Variants in SCAMP4 observed in about 807,000 individuals in gnomAD.
The protein encoded by SCAMP4 is secretory carrier-associated membrane protein 4.
In SCAMP4, 19 loss-of-function variants were observed where a neutral mutation model predicts 32.1. That is an observed-to-expected ratio of 0.59 (90% confidence interval 0.41 to 0.87). The LOEUF is 0.87. Ranked by LOEUF, SCAMP4 falls within the 40% of genes least tolerant of loss-of-function variation. The pLI is 0.00. For missense variants in SCAMP4, 302 were observed against 309.0 expected (o/e 0.98, Z 0.17); for synonymous variants, 152 against 132.7 (o/e 1.15, Z -1.00).
At chr19:1,923,566 G>T (rs1368400395) in intron 6 of SCAMP4, among the ~76,000 whole-genome samples, 1 of 150,982 alleles carries the variant, frequency 6.6e-6, no homozygotes, top group Non-Finnish European at 1.5e-5. Flanking sequence ...GAAGATAGCG[G>T]AAGTGTTGAG....
chr19:1,922,228 G>A, intron 5 of SCAMP4: 5 of 985,468 alleles, frequency 5.1e-6, no homozygotes, highest in Non-Finnish European at 6.0e-6. Context: ...CCTTCCCAGT[G>A]TCCCACTGGT....
At chr19:1,914,895 G>A in intron 1 of SCAMP4, 84 bp from the exon 2 acceptor site, 3 of 1,158,538 alleles carry the variant, frequency 2.6e-6, no homozygotes, top group South Asian at 1.2e-5. Context: ...CACGATGAAG[G>A]GCTTTTCAGC....
At chr19:1,914,688 G>T (rs910351045) in intron 1 of SCAMP4, 5 of 472,402 alleles carry the variant, frequency 1.1e-5, no homozygotes, top group Non-Finnish European at 1.9e-5. Context: ...TTTGGGGGAC[G>T]CAGGGGCCTA....
At chr19:1,914,749 C>T (rs1479591341) in intron 1 of SCAMP4, among the ~76,000 whole-genome samples, 3 of 152,104 alleles carry the variant, frequency 2.0e-5, no homozygotes, top group Admixed American at 6.5e-5. Flanking sequence ...GGAGGGGCTG[C>T]GGCCAGCCCT....
chr19:1,917,545 C>T, intron 2 of SCAMP4, 149 bp from the exon 3 acceptor site: 3 of 789,502 alleles, frequency 3.8e-6, no homozygotes, highest in South Asian at 3.5e-5. Context: ...CCACGAGGAC[C>T]CTCTCCTGTC....
At chr19:1,916,154 G>T (rs1032264622) in intron 2 of SCAMP4, among the ~76,000 whole-genome samples, 1 of 151,096 alleles carries the variant, frequency 6.6e-6, no homozygotes, top group Admixed American at 6.6e-5. Context: ...CAGGAGAATC[G>T]CTTGAACCTG....
chr19:1,919,107 C>T, intron 5 of SCAMP4, 117 bp downstream of exon 5: 1 of 1,519,518 alleles, frequency 6.6e-7, no homozygotes, highest in Non-Finnish European at 8.8e-7. Flanking sequence ...TACGCGCTCT[C>T]CTAGGGAGGG....
chr19:1,911,394 A>G (rs1225254043), intron 1 of SCAMP4, among the ~76,000 whole-genome samples: 1 of 143,318 alleles, frequency 7.0e-6, no homozygotes, highest in Non-Finnish European at 1.5e-5. Flanking sequence ...CTGGTCTTAA[A>G]CTCCTGGGCT....
Position 1,918,947 on chromosome 19 carries a change from C to T in SCAMP4, c.352C>T (p.Leu118=), listed in dbSNP as rs1461935784. ...FFFIFGAQFV[L]TVIQAIGFSG... ...CTTCATCTTCGGAGCCCAGTTTGTC[C>T]TGACCGTCATCCAGGCGATTGGCTT... is the stretch of plus-strand genomic sequence containing the variant. Residue 118 remains leucine, a synonymous_variant, in exon 5 of 7, where the codon CTG becomes TTG. Coordinates refer to ENST00000316097, the MANE Select transcript of SCAMP4 (RefSeq NM_079834.4). The T allele has an allele frequency of 8.7e-6, 14 of 1,612,484 alleles. No individual in the cohort carries two copies. Among genetic ancestry groups the T allele is most frequent in the Non-Finnish European group, 1.2e-5 (14 of 1,179,326 alleles).
In SCAMP4 at chr19:1,925,096, G is replaced by C. The variant is rs2014056186; in HGVS notation, c.*812G>C. ...AGGAGAGGCCTTTGTGTTTTGTTTT[G>C]TTTTGTTTTTTCTCTTTTGAGACAA... On this transcript the variant is annotated 3_prime_UTR_variant, in exon 7 of 7. Coordinates refer to ENST00000316097, the MANE Select transcript of SCAMP4 (RefSeq NM_079834.4). The C allele has an allele frequency of 9.5e-6, 1 of 105,152 alleles. No individual in the cohort carries two copies. The highest frequency in any genetic ancestry group is 1.9e-5 in the Non-Finnish European group (1 of 51,686). The allele number at this position is 105,152 out of a possible 1,614,324, so 6.5% of individuals were successfully genotyped here. A position where few individuals can be genotyped will look rare whatever the true frequency, so the allele number is the denominator to read the frequency against.
At chr19:1,917,133 C>T (rs2013757862) in intron 2 of SCAMP4, among the ~76,000 whole-genome samples, 1 of 152,134 alleles carries the variant, frequency 6.6e-6, no homozygotes, top group African/African-American at 2.4e-5. Flanking sequence ...AACCTCGTGT[C>T]TACTAAAAAG....
intron 2 of SCAMP4, 96 bp downstream of exon 2, chr19:1,915,122 A>G: frequency 2.1e-6 from 3 of 1,433,820 alleles, no homozygotes; most frequent in East Asian, 4.5e-5. Flanking sequence ...GTTGGCAAAC[A>G]GTGTCCTCCT....
intron 1 of SCAMP4, among the ~76,000 whole-genome samples, chr19:1,910,231 A>G (rs998876146): frequency 1.3e-5 from 2 of 152,192 alleles, no homozygotes; most frequent in African/African-American, 4.8e-5. Context: ...CTGGAGGCTC[A>G]ACGGGGGTGG....
chr19:1,912,228 G>T lies in SCAMP4; in HGVS notation c.-41-2751G>T, dbSNP rs149646876. 929 of 1,595,378 alleles carry T rather than the reference G, an allele frequency of 5.8e-4. 1 individual carries two copies. Among genetic ancestry groups the T allele is most frequent in the Non-Finnish European group, 6.8e-4 (795 of 1,174,036 alleles). ...GTCAGGGGACGTGGAGCTGGTGCTG[G>T]CCTACGCCGCGCCCGTCCTGGACAA... On this transcript the variant is annotated intron_variant, in intron 1 of 6. Transcript: ENST00000316097.
Position 1,909,176 on chromosome 19 carries a change from C to T in SCAMP4, c.-42+3737C>T, listed in dbSNP as rs568652672. On this transcript the variant is annotated intron_variant, in intron 1 of 6. Coordinates refer to ENST00000316097, the MANE Select transcript of SCAMP4 (RefSeq NM_079834.4). ...CCAACCTCAGGCCTGCGGTGCGAGTCTGTGGGGGCAGATGCAGGTGGGGGA... is the reference window on the plus strand; with the variant it reads ...CCAACCTCAGGCCTGCGGTGCGAGTTTGTGGGGGCAGATGCAGGTGGGGGA... 5.3e-5 allele frequency among the ~76,000 whole-genome samples: 8 copies of T among 150,696 alleles called. No individual in the cohort carries two copies. The South Asian group carries it at 6.3e-4, about 12-fold the overall frequency.
At chr19:1,920,251 C>T (rs556818607) in intron 5 of SCAMP4, 1 of 985,476 alleles carries the variant, frequency 1.0e-6, no homozygotes, top group South Asian at 4.7e-5. Flanking sequence ...GGTGACGCTG[C>T]TCACGGAGCC....
At chr19:1,917,156 A>G (rs2013758268) in intron 2 of SCAMP4, among the ~76,000 whole-genome samples, 1 of 152,096 alleles carries the variant, frequency 6.6e-6, no homozygotes, top group African/African-American at 2.4e-5. Flanking sequence ...AAATCCAAAA[A>G]TTAGCCGGGT....
rs1271857120 is a variant in SCAMP4, at chr19:1,917,753, C to G, written c.67C>G (p.Gln23Glu). The G allele has an allele frequency of 1.2e-6, 2 of 1,613,896 alleles. No homozygotes were observed. The highest frequency in any genetic ancestry group is 2.7e-5 in the African/African-American group (2 of 74,942). The change falls in exon 3 of 7, where the codon CAG becomes GAG. Residue 23 changes from glutamine (Q) to glutamate (E), a missense_variant. Transcript: ENST00000316097. ...KFIPVKPCFY[Q>E]NFSDEIPVEH... is the part of the protein sequence containing the mutation. ...CATCCCTGTGAAGCCCTGCTTCTAC[C>G]AGAACTTCTCCGACGAGATCCCAGT... is the stretch of plus-strand genomic sequence containing the variant.
intron 1 of SCAMP4, chr19:1,913,311 A>G (rs978775318): frequency 8.6e-7 from 1 of 1,157,142 alleles, no homozygotes; most frequent in African/African-American, 1.6e-5. Flanking sequence ...GTGCGGATCG[A>G]GCTTTCCTGG....
Sources: allele counts gnomAD v4.1 joint callset (sites outside exome capture counted in the v4.1 genomes callset), GRCh38; gene constraint gnomAD v4.1.1; transcripts MANE v1.5; gene names NCBI Gene and HGNC (gene_info 2026-07-23, HGNC 2026-07-21).